The following RUVBL2 variants were observed in gnomAD, a reference collection of about 807,000 sequenced individuals.
RUVBL2 encodes ruvB-like 2.
Under a neutral mutation model 57.9 loss-of-function variants are expected in RUVBL2, and 9 were observed. That is an observed-to-expected ratio of 0.16 (90% CI 0.09 to 0.27). The LOEUF (loss-of-function observed/expected upper bound fraction) is 0.27. RUVBL2 is among the 10% of genes least tolerant of loss of function. The pLI is 1.00. For synonymous variants in RUVBL2, 278 were observed against 264.6 expected (o/e 1.05, Z -0.49); for missense variants, 456 against 669.6 (o/e 0.68, Z 3.52).
chr19:48,994,074 C>G (rs1021711804), intron 1 of RUVBL2, 151 bp downstream of exon 1: 68 of 575,556 alleles, frequency 1.2e-4, no homozygotes, highest in Admixed American at 6.1e-4. Flanking sequence ...CTCGGCCACC[C>G]AGATCTGGGG....
intron 1 of RUVBL2, among the ~76,000 whole-genome samples, chr19:48,997,505 T>C (rs1174702106): frequency 6.6e-6 from 1 of 151,768 alleles, no homozygotes; most frequent in Non-Finnish European, 1.5e-5. Flanking sequence ...GGCGGACACC[T>C]GTAATCCCAG....
intron 11 of RUVBL2, among the ~76,000 whole-genome samples, chr19:49,013,093 A>G (rs2039466179): frequency 6.6e-6 from 1 of 151,992 alleles, no homozygotes; most frequent in Non-Finnish European, 1.5e-5. Flanking sequence ...CCTCCTGAGT[A>G]GCTGGGATTA....
rs2039304251 is a variant in RUVBL2 at position 49,007,442 on chromosome 19, T to A, written c.462+74T>A. The A allele has an allele frequency of 3.7e-6, 5 of 1,343,654 alleles. No homozygotes were observed. In the Admixed American group the frequency reaches 7.8e-5, roughly 21 times the overall value. The allele number at this position is 1,343,654 out of a possible 1,614,324, so 83.2% of individuals were successfully genotyped here. ...GGTTGGAGAGAGTAGATATCAGGTC[T>A]GCACTGAGGTCAGAATCCCATGGAA... On this transcript the variant is annotated intron_variant, in intron 6 of 14. Transcript: ENST00000595090.
At chr19:48,993,533 G>C, upstream of RUVBL2, 1 of 448,004 alleles carries the variant, frequency 2.2e-6, no homozygotes, top group Non-Finnish European at 4.1e-6. Context: ...CTTCAGCTCT[G>C]TCAATCTGGA....
rs2039418394 is a variant in RUVBL2, at chr19:49,011,144, G to A, written c.883-48G>A. 9.9e-6 allele frequency: 16 copies of A among 1,608,932 alleles called. No homozygotes were observed. The highest frequency in any genetic ancestry group is 2.2e-5 in the East Asian group (1 of 44,810). On this transcript the variant is annotated intron_variant, in intron 10 of 14. Transcript: ENST00000595090. The surrounding 1 kb of genome is among the most constrained non-coding windows in gnomAD (Gnocchi z 4.4). ...CGGGTGGTGGGGTGGAGGTGGGCCGGGGAAGTGGGGACGCGGGTGGTGACT... is the reference window on the plus strand; with the variant it reads ...CGGGTGGTGGGGTGGAGGTGGGCCGAGGAAGTGGGGACGCGGGTGGTGACT...
intron 11 of RUVBL2, 100 bp from the exon 12 acceptor site, chr19:49,014,384 C>G: frequency 1.8e-5 from 26 of 1,429,844 alleles, no homozygotes; most frequent in Non-Finnish European, 2.4e-5. Flanking sequence ...TGGTGTTGGG[C>G]CCAGTGAGTG....
rs76091104 is a variant in RUVBL2, at chr19:48,999,137, G to A, written c.13-182G>A. On this transcript the variant is annotated intron_variant, in intron 1 of 14. Coordinates refer to ENST00000595090, the MANE Select transcript of RUVBL2 (RefSeq NM_006666.3). Reference sequence around the variant, plus strand: ...GAGACAGACAGTCCTTGTCTTCCTGGGGCTCAACCAACCAGCCATTAGGCA... The same window carrying A: ...GAGACAGACAGTCCTTGTCTTCCTGAGGCTCAACCAACCAGCCATTAGGCA... Among the ~76,000 whole-genome samples the A allele has an allele frequency of 4.4e-3, 672 of 152,290 alleles. 2 individuals carry two copies. Among genetic ancestry groups the A allele is most frequent in the African/African-American group, 0.015 (630 of 41,552 alleles).
At chr19:49,014,332 G>A (rs879873842) in intron 11 of RUVBL2, 152 bp from the exon 12 acceptor site, 1 of 867,872 alleles carries the variant, frequency 1.2e-6, no homozygotes, top group South Asian at 1.7e-5. Context: ...GTCATCAGGG[G>A]TGATGTCATC....
chr19:49,013,062 C>T (rs769068996), intron 11 of RUVBL2, among the ~76,000 whole-genome samples: 115 of 152,344 alleles, frequency 7.5e-4, no homozygotes, highest in Non-Finnish European at 4.6e-4. Context: ...CTTCTGGGTT[C>T]AAGCAGTTTT....
rs759832019 is a variant in RUVBL2 at position 49,015,794 on chromosome 19, T to C, written c.1367-23T>C. 1.1e-5 allele frequency: 17 copies of C among 1,613,880 alleles called. No homozygotes were observed. In the Admixed American group the frequency reaches 2.5e-4, roughly 24 times the overall value. On this transcript the variant is annotated intron_variant, in intron 14 of 14. Coordinates refer to ENST00000595090, the MANE Select transcript of RUVBL2 (RefSeq NM_006666.3). Reference sequence around the variant, plus strand: ...CCTGCCACCTGGGCGACACTGACCATGTGGCCTTCCTTCTCCCCACAGAAG... The same window carrying C: ...CCTGCCACCTGGGCGACACTGACCACGTGGCCTTCCTTCTCCCCACAGAAG...
chr19:49,010,416 G>T, intron 8 of RUVBL2, 72 bp from the exon 9 acceptor site: 1 of 1,481,726 alleles, frequency 6.7e-7, no homozygotes, highest in African/African-American at 1.4e-5. Context: ...CCCAGACAGA[G>T]GGCTTTAGGG....
At chr19:49,014,982 G>GGCCCCGGCTGA in intron 12 of RUVBL2, 39 bp from the exon 13 acceptor site, 2 of 1,567,462 alleles carry the variant, frequency 1.3e-6, no homozygotes, top group Non-Finnish European at 1.7e-6. Flanking sequence ...TCAGAGGCTG[G>GGCCCCGGCTGA]GCCCCGGCTG....
Position 49,014,623 on chromosome 19 carries a change from G to C in RUVBL2, c.1121+20G>C, listed in dbSNP as rs374349605. ...CATCCGGTGCGGGCAGGACCAGGCC[G>C]TGCGCCTGAGACGCAGGGCTGGGGT... On this transcript the variant is annotated intron_variant, in intron 12 of 14. Transcript: ENST00000595090. 30 of 1,613,096 alleles carry C rather than the reference G, an allele frequency of 1.9e-5. No homozygotes were observed. In the Middle Eastern group the frequency reaches 4.9e-4, roughly 27 times the overall value.
intron 2 of RUVBL2, among the ~76,000 whole-genome samples, chr19:49,002,815 C>T (rs2039210008): frequency 6.6e-6 from 1 of 152,170 alleles, no homozygotes; most frequent in Admixed American, 6.5e-5. Flanking sequence ...GAACTCCTGA[C>T]CTCCAGTGAT....
chr19:49,010,070 C>A lies in RUVBL2; in HGVS notation c.663+4C>A, dbSNP rs780149537. On this transcript the variant is annotated splice_donor_region_variant and intron_variant, in intron 8 of 14. Transcript: ENST00000595090. ...CTACGACGCTATGGGCTCCCAGGTG[C>A]GGCCGGGACTCCCGGGATCCCCTCG... The A allele has an allele frequency of 1.9e-6, 3 of 1,603,442 alleles. No individual in the cohort carries two copies. The highest frequency in any genetic ancestry group is 1.3e-5 in the African/African-American group (1 of 74,576).
In RUVBL2 at chr19:48,993,932, G is replaced by T. The variant is rs200768670; in HGVS notation, c.12+9G>T. 1.1e-3 allele frequency: 1,822 copies of T among 1,614,086 alleles called. 2 individuals carry two copies. The highest frequency in any genetic ancestry group is 1.4e-3 in the Non-Finnish European group (1,700 of 1,179,990). ...GCATCATGGCAACCGTTGTAAGTGT[G>T]GGTGCATGGAGGGTGAGGAGCGAGC... On this transcript the variant is annotated intron_variant, in intron 1 of 14. Transcript: ENST00000595090.
In RUVBL2 at chr19:49,011,317, C is replaced by A. The variant is rs374851589; in HGVS notation, c.1001+7C>A. 1.9e-6 allele frequency: 3 copies of A among 1,609,674 alleles called. No individual in the cohort carries two copies. The African/African-American group carries it at 4.0e-5, about 22-fold the overall frequency. ...CCAACCGTGGCATCACGCGGTGAGC[C>A]GGCTACAGGGGCCTCTGGGGAAAAC... On this transcript the variant is annotated splice_region_variant and intron_variant, in intron 11 of 14. Transcript: ENST00000595090. This position sits in a 1 kb window ranked among gnomAD's most constrained non-coding sequence, Gnocchi z 4.4.
intron 1 of RUVBL2, among the ~76,000 whole-genome samples, chr19:48,995,409 A>T (rs2039037147): frequency 6.6e-6 from 1 of 150,554 alleles, no homozygotes; most frequent in Non-Finnish European, 1.5e-5. Flanking sequence ...CCAGCTTCCT[A>T]TAGGAGACGG....
chr19:49,013,257 C>T (rs933628790), intron 11 of RUVBL2, among the ~76,000 whole-genome samples: 16 of 151,480 alleles, frequency 1.1e-4, no homozygotes, highest in South Asian at 4.2e-4. Flanking sequence ...TCACCGCGTC[C>T]GGCCTAATTT....
Sources: allele counts gnomAD v4.1 joint callset (sites outside exome capture counted in the v4.1 genomes callset), GRCh38; gene constraint gnomAD v4.1.1; non-coding constraint Gnocchi (gnomAD v3.1); transcripts MANE v1.5; gene names NCBI Gene and HGNC (gene_info 2026-07-23, HGNC 2026-07-21).